RSF1: variants seen among roughly 807,000 people sequenced by gnomAD.
RSF1 encodes HBV pX-associated protein 8.
A neutral mutation model predicts 145.2 loss-of-function variants in RSF1; 13 were observed. That is an observed-to-expected ratio of 0.09 (90% confidence interval 0.06 to 0.14). The LOEUF (loss-of-function observed/expected upper bound fraction) is 0.14. Ranked by LOEUF, RSF1 falls within the 10% of genes least tolerant of loss-of-function variation. The pLI is 1.00. For missense variants in RSF1, 1,517 were observed against 1,718.2 expected (o/e 0.88, Z 2.07); for synonymous variants, 577 against 592.6 (o/e 0.97, Z 0.38).
chr11:77,743,876 T>C (rs890368303), intron 3 of RSF1, among the ~76,000 whole-genome samples: 15 of 152,214 alleles, frequency 9.9e-5, no homozygotes, highest in South Asian at 4.1e-4. Context: ...ACTGCACTGA[T>C]ACATATTCTT....
At position 77,740,939 on chromosome 11, in the gene RSF1, G is replaced by A. The variant is rs758984552; in HGVS notation, c.373-3C>T. ...TCAAACTGACACTCACAGAGGTACT[G>A]AAAAATAGTCATAACATGACTTAAA... is the stretch of plus-strand genomic sequence containing the variant. On this transcript the variant is annotated splice_region_variant and splice_polypyrimidine_tract_variant and intron_variant, in intron 3 of 15. Coordinates refer to ENST00000308488, the MANE Select transcript of RSF1 (RefSeq NM_016578.4). 1 of 1,604,676 alleles carries A rather than the reference G, an allele frequency of 6.2e-7. No homozygotes were observed. Among genetic ancestry groups the A allele is most frequent in the South Asian group, 1.1e-5 (1 of 90,830 alleles).
At chr11:77,742,063 T>C (rs1234652390) in intron 3 of RSF1, among the ~76,000 whole-genome samples, 1 of 152,258 alleles carries the variant, frequency 6.6e-6, no homozygotes, top group Non-Finnish European at 1.5e-5. Flanking sequence ...ACATTTAGAA[T>C]GATCCTGTAT....
chr11:77,672,176 C>T lies in RSF1; in HGVS notation c.3617G>A (p.Arg1206Gln), dbSNP rs762434931. The T allele has an allele frequency of 5.0e-6, 8 of 1,611,352 alleles. No individual in the cohort carries two copies. Among genetic ancestry groups the T allele is most frequent in the African/African-American group, 1.3e-5 (1 of 74,810 alleles). The stretch of plus-strand genomic sequence containing the variant: ...TTGTCTTTTCTGATTTCTCCTTGAC[C>T]GCCTTCGCCGAGTTTCTACAAAATC... ...SDDFVETRRR[R>Q]SRRNQKRQIN... Residue 1206 changes from arginine to glutamine, a missense_variant, in exon 15 of 16, where the codon CGG becomes CAG. Physicochemically the swap from Arg to Gln is conservative, Grantham distance 43 (BLOSUM62 1). Around this residue, in one of 12 missense-constraint regions of RSF1, gnomAD observed 231 missense variants for 276.6 expected, o/e 0.84. Coordinates refer to ENST00000308488, the MANE Select transcript of RSF1 (RefSeq NM_016578.4).
Position 77,667,263 on chromosome 11 carries a change from G to C in RSF1, c.3980C>G (p.Pro1327Arg). The C allele has an allele frequency of 6.2e-7, 1 of 1,614,158 alleles. No homozygotes were observed. Among genetic ancestry groups the C allele is most frequent in the Admixed American group, 1.7e-5 (1 of 60,026 alleles). ...CTCTTGTTCTGAGGGCAGGACCCTA[G>C]GCTGGCTGTCACGGGCAGGCTGATT... is the stretch of plus-strand genomic sequence containing the variant. Reference protein sequence around the residue: ...DANQPARDSQPRVLPSEQEST... With the variant: ...DANQPARDSQRRVLPSEQEST... Residue 1327 changes from proline (P) to arginine (R), a missense_variant, in exon 16 of 16, where the codon CCT becomes CGT. Coordinates refer to ENST00000308488, the MANE Select transcript of RSF1 (RefSeq NM_016578.4).
rs1278954263 is a variant in RSF1 at position 77,685,093 on chromosome 11, T to G, written c.2955+12A>C. ...ATCTCCCATTTAAAAACATTACAAA[T>G]CAGAAACTTACTTGTGGAGGAATGA... is the stretch of plus-strand genomic sequence containing the variant. On this transcript the variant is annotated intron_variant, in intron 10 of 15. Coordinates refer to ENST00000308488, the MANE Select transcript of RSF1 (RefSeq NM_016578.4). 11 of 1,502,280 alleles carry G rather than the reference T, an allele frequency of 7.3e-6. No homozygotes were observed. The highest frequency in any genetic ancestry group is 9.9e-6 in the Non-Finnish European group (11 of 1,110,592). 93.1% of individuals were successfully genotyped at this position (1,502,280 alleles called of 1,614,324 possible). A position where few individuals can be genotyped will look rare whatever the true frequency, so the allele number is the denominator to read the frequency against.
chr11:77,835,542 G>A, the RSF1 span, among the ~76,000 whole-genome samples: 3 of 152,196 alleles, frequency 2.0e-5, no homozygotes, highest in Admixed American at 2.0e-4. Flanking sequence ...AAGCAGCAGT[G>A]ACATTTTATC....
At chr11:77,681,455 A>G (rs1387930648) in intron 11 of RSF1, among the ~76,000 whole-genome samples, 1 of 151,312 alleles carries the variant, frequency 6.6e-6, no homozygotes, top group Non-Finnish European at 1.5e-5. Context: ...CTTCCCTGCC[A>G]CCCTCTCTCT....
chr11:77,711,614 G>A (rs1303474205), intron 5 of RSF1, among the ~76,000 whole-genome samples: 2 of 152,100 alleles, frequency 1.3e-5, no homozygotes, highest in Non-Finnish European at 2.9e-5. Flanking sequence ...AGGTTGCAGT[G>A]AGCCCAGATC....
intron 1 of RSF1, among the ~76,000 whole-genome samples, chr11:77,811,777 GA>G (rs1415411584): frequency 6.6e-6 from 1 of 152,216 alleles, no homozygotes; most frequent in Non-Finnish European, 1.5e-5. Flanking sequence ...TGGTATCAAA[GA>G]AAGTGTCAGA....
At chr11:77,780,787 T>C (rs1384766466) in intron 1 of RSF1, among the ~76,000 whole-genome samples, 1 of 142,484 alleles carries the variant, frequency 7.0e-6, no homozygotes, top group Non-Finnish European at 1.5e-5. Flanking sequence ...ATCATGCCAC[T>C]GCACTACAGC....
intron 4 of RSF1, among the ~76,000 whole-genome samples, chr11:77,733,730 T>C (rs1961265777): frequency 6.6e-6 from 1 of 152,088 alleles, no homozygotes; most frequent in Admixed American, 6.5e-5. Context: ...CCTTGCTGAT[T>C]TTTGTATTTG....
intron 5 of RSF1, chr11:77,703,100 T>TA (rs1233631890): frequency 6.6e-6 from 1 of 152,190 alleles, no homozygotes; most frequent in Non-Finnish European, 1.5e-5. Flanking sequence ...ATGATACTTT[T>TA]ATAAAATGAT....
chr11:77,864,614 T>C, the RSF1 span, among the ~76,000 whole-genome samples: 2 of 152,210 alleles, frequency 1.3e-5, no homozygotes, highest in Admixed American at 6.5e-5. Flanking sequence ...AACTATGAAA[T>C]TGACATAGAA....
chr11:77,703,050 T>C (rs1226087842), intron 5 of RSF1: 2 of 152,228 alleles, frequency 1.3e-5, no homozygotes, highest in African/African-American at 4.8e-5. Context: ...GTTGGTATCA[T>C]GTTGCCTCAA....
intron 1 of RSF1, among the ~76,000 whole-genome samples, chr11:77,811,298 G>C (rs759477156): frequency 1.3e-5 from 2 of 152,164 alleles, no homozygotes; most frequent in Non-Finnish European, 2.9e-5. Flanking sequence ...GTAAGTTGAG[G>C]AAAACTATTA....
the RSF1 span, among the ~76,000 whole-genome samples, chr11:77,838,710 G>A: frequency 3.4e-5 from 5 of 147,336 alleles, no homozygotes; most frequent in East Asian, 4.1e-4. Flanking sequence ...TCCGCCTCCC[G>A]GGTTCACGCC....
chr11:77,870,925 A>G, the RSF1 span, among the ~76,000 whole-genome samples: 1 of 152,164 alleles, frequency 6.6e-6, no homozygotes, highest in Admixed American at 6.5e-5. Context: ...ATCCATATAG[A>G]GGCCTACCTC....
intron 9 of RSF1, among the ~76,000 whole-genome samples, 198 bp from the exon 10 acceptor site, chr11:77,685,357 G>A (rs908481230): frequency 3.3e-5 from 5 of 152,124 alleles, no homozygotes; most frequent in Admixed American, 1.3e-4. Flanking sequence ...GTGCAGTGGC[G>A]TAATCTTAGC....
intron 1 of RSF1, among the ~76,000 whole-genome samples, chr11:77,804,409 A>G (rs917644047): frequency 1.2e-4 from 19 of 152,188 alleles, no homozygotes; most frequent in African/African-American, 4.6e-4. Context: ...CTGGCATGTG[A>G]AATGGGGACA....
Sources: gnomAD v4.1 joint callset for allele counts (sites outside exome capture counted in the v4.1 genomes callset) on GRCh38, gnomAD v4.1.1 for gene constraint, gnomAD v4.1.1 regional missense constraint, MANE v1.5 for transcripts, NCBI Gene and HGNC (gene_info 2026-07-23, HGNC 2026-07-21) for gene names.